The following AK9 variants were observed in gnomAD, a reference collection of about 807,000 sequenced individuals.
AK9 encodes the protein adenylate kinase 9.
Under a neutral mutation model 239.6 loss-of-function variants are expected in AK9, and 191 were observed. That is an observed-to-expected ratio of 0.80 (90% confidence interval 0.71 to 0.90). AK9 has a LOEUF of 0.90. Among genes scored for constraint, AK9 ranks in the 40% least tolerant of loss-of-function variants. The pLI is 0.00. For synonymous variants in AK9, 689 were observed against 721.0 expected (o/e 0.96, Z 0.71); for missense variants, 1,995 against 2,214.7 (o/e 0.90, Z 1.99).
In AK9 at chr6:109,493,109, A is replaced by G. The variant is rs763562465; in HGVS notation, c.*260T>C. On this transcript the variant is annotated 3_prime_UTR_variant, in exon 41 of 41. Transcript: ENST00000424296. The stretch of plus-strand genomic sequence containing the variant: ...TTAACTTTTCTATATGGAATTATAA[A>G]TAGAATGTTTATTTTGTTAAAGCAT... The G allele has an allele frequency of 9.9e-6, 3 of 302,270 alleles. No homozygotes were observed. Among genetic ancestry groups the G allele is most frequent in the Non-Finnish European group, 1.2e-5 (2 of 165,032 alleles). The allele number at this position is 302,270 out of a possible 1,614,324, so 18.7% of individuals were successfully genotyped here.
At chr6:109,541,364 A>C (rs1040831270) in intron 27 of AK9, among the ~76,000 whole-genome samples, 6 of 152,200 alleles carry the variant, frequency 3.9e-5, no homozygotes, top group Non-Finnish European at 8.8e-5. Context: ...CATCTTTTTA[A>C]CTTTATGTAA....
intron 13 of AK9, 65 bp downstream of exon 13, chr6:109,619,027 C>T (rs893243927): frequency 3.8e-5 from 56 of 1,477,852 alleles, no homozygotes; most frequent in Non-Finnish European, 4.9e-5. Context: ...AAAGTCCTTG[C>T]TTTCAAGTAG....
At position 109,514,254 on chromosome 6, in the gene AK9, C is replaced by CAATTATAA; in HGVS notation, c.4241_4248dup (p.Val1417LeufsTer2). 1.9e-6 allele frequency: 3 copies of CAATTATAA among 1,551,554 alleles called. No homozygotes were observed. Among genetic ancestry groups the CAATTATAA allele is most frequent in the Non-Finnish European group, 2.6e-6 (3 of 1,146,936 alleles). ...GTTTTCCCAGATTTTGGAGGCCCCA[C>CAATTATAA]AATTATAATCCTAATGGGCACAGTA... On this transcript the variant is annotated stop_gained and frameshift_variant, in exon 32 of 41. Coordinates refer to ENST00000424296, the MANE Select transcript of AK9 (RefSeq NM_001145128.3). LOFTEE classifies it high-confidence loss of function.
intron 21 of AK9, among the ~76,000 whole-genome samples, chr6:109,570,911 T>G (rs1787330988): frequency 6.6e-6 from 1 of 152,130 alleles, no homozygotes; most frequent in Non-Finnish European, 1.5e-5. Context: ...AAGGATCCTT[T>G]GAGCACCCCT....
At chr6:109,601,631 T>C (rs1216592600) in intron 17 of AK9, among the ~76,000 whole-genome samples, 4 of 151,236 alleles carry the variant, frequency 2.6e-5, no homozygotes, top group East Asian at 2.0e-4. Flanking sequence ...TCCTGGATAT[T>C]CTTGTTAACT....
chr6:109,510,609 C>T (rs1327314357), intron 32 of AK9, among the ~76,000 whole-genome samples: 3 of 152,172 alleles, frequency 2.0e-5, no homozygotes, highest in African/African-American at 4.8e-5. Flanking sequence ...GAACTGAACA[C>T]TGGACAGATG....
At position 109,546,058 on chromosome 6, in the gene AK9, CCAACTGTCTTCCACA is replaced by C; in HGVS notation, c.3019_3033del (p.Cys1007_Leu1011del). ...ATGTGAAAAATGTTTAATTTTTCTG[CCAACTGTCTTCCACA>C]CATAGTTTTGCCAGAGCCCTGGGGG... On this transcript the variant is annotated inframe_deletion, in exon 26 of 41. Coordinates refer to ENST00000424296, the MANE Select transcript of AK9 (RefSeq NM_001145128.3). 6.2e-7 allele frequency: 1 copy of C among 1,613,218 alleles called. No individual in the cohort carries two copies. Among genetic ancestry groups the C allele is most frequent in the African/African-American group, 1.3e-5 (1 of 74,956 alleles).
intron 29 of AK9, among the ~76,000 whole-genome samples, chr6:109,522,839 A>G (rs1780012139): frequency 6.6e-6 from 1 of 152,176 alleles, no homozygotes; most frequent in African/African-American, 2.4e-5. Context: ...GTATATGAGC[A>G]GGTAATGTTG....
chr6:109,650,427 A>T (rs1052430506), intron 8 of AK9, among the ~76,000 whole-genome samples: 1 of 152,180 alleles, frequency 6.6e-6, no homozygotes, highest in Non-Finnish European at 1.5e-5. Context: ...AAAGGATATG[A>T]ACAGACACTT....
At chr6:109,672,197 G>A (rs974113640) in intron 3 of AK9, 30 bp from the exon 4 acceptor site, 2 of 1,563,832 alleles carry the variant, frequency 1.3e-6, no homozygotes, top group South Asian at 1.1e-5. Flanking sequence ...TATTAATACA[G>A]ACTGATATTA....
intron 17 of AK9, among the ~76,000 whole-genome samples, chr6:109,606,419 GAACA>G (rs1792891684): frequency 6.6e-6 from 1 of 152,140 alleles, no homozygotes; most frequent in African/African-American, 2.4e-5. Context: ...AAATGAACAA[GAACA>G]GATAGGTACA....
rs368946636 is a variant in AK9, at chr6:109,656,747, T to C, written c.759+9A>G. 1.9e-6 allele frequency: 3 copies of C among 1,570,092 alleles called. No homozygotes were observed. Among genetic ancestry groups the C allele is most frequent in the Non-Finnish European group, 2.6e-6 (3 of 1,148,188 alleles). ...AATATTCATTTTCAGCAATATATTT[T>C]GTTCTTACTTCTAAAGTTTGGAGAA... On this transcript the variant is annotated intron_variant, in intron 8 of 40. Transcript: ENST00000424296.
At position 109,641,600 on chromosome 6, in the gene AK9, A is replaced by G; in HGVS notation, c.851T>C (p.Leu284Pro). The change falls in exon 10 of 41, where the codon CTT (leucine) becomes CCT (proline). Residue 284 changes from leucine to proline, a missense_variant. Coordinates refer to ENST00000424296, the MANE Select transcript of AK9 (RefSeq NM_001145128.3). ...EELFMIVMDR[L>P]KYLNLKRAAI... ...TGCTCTTTTTAGGTTCAGATATTTA[A>G]GTCGATCCATAACAATCTAGATTTA... The G allele has an allele frequency of 5.6e-6, 9 of 1,612,488 alleles. No homozygotes were observed. The highest frequency in any genetic ancestry group is 7.6e-6 in the Non-Finnish European group (9 of 1,178,598).
intron 12 of AK9, among the ~76,000 whole-genome samples, chr6:109,626,495 G>A (rs889323628): frequency 2.6e-4 from 40 of 152,294 alleles, no homozygotes; most frequent in Middle Eastern, 3.4e-3. Context: ...ACAGTCATGT[G>A]TTGCTTAACA....
intron 8 of AK9, among the ~76,000 whole-genome samples, chr6:109,650,400 C>T (rs543620461): frequency 6.6e-6 from 1 of 151,728 alleles, no homozygotes; most frequent in South Asian, 2.1e-4. Context: ...AAAAAAAAAC[C>T]CCATCAAAAA....
At chr6:109,585,590 A>G (rs1554262201) in intron 18 of AK9, among the ~76,000 whole-genome samples, 1 of 152,212 alleles carries the variant, frequency 6.6e-6, no homozygotes, top group Non-Finnish European at 1.5e-5. Context: ...TGAGGTGAAG[A>G]AGAACTAACA....
chr6:109,679,566 G>A (rs1772318018), intron 1 of AK9, among the ~76,000 whole-genome samples: 1 of 152,166 alleles, frequency 6.6e-6, no homozygotes, highest in Non-Finnish European at 1.5e-5. Context: ...CAGCTCTGAA[G>A]AGAGCAGGGG....
chr6:109,685,840 C>T (rs1315193705), intron 1 of AK9, among the ~76,000 whole-genome samples: 1 of 152,166 alleles, frequency 6.6e-6, no homozygotes, highest in South Asian at 2.1e-4. Context: ...AGAGTGATAC[C>T]AACCACAATT....
In AK9 at chr6:109,585,139, CTTT is replaced by C; in HGVS notation, c.2095_2097del (p.Lys699del). 3 of 821,484 alleles carry C rather than the reference CTTT, an allele frequency of 3.7e-6. No homozygotes were observed. Among genetic ancestry groups the C allele is most frequent in the Non-Finnish European group, 4.8e-6 (3 of 621,698 alleles). The allele number at this position is 821,484 out of a possible 1,614,324, so 50.9% of individuals were successfully genotyped here. On this transcript the variant is annotated inframe_deletion, in exon 19 of 41. Transcript: ENST00000424296. ...AGATTTTACCTTGCTTCTTCTTCTT[CTTT>C]TTTTTTCTTTTGTAGTTCTTCTAAT...
Sources: allele counts gnomAD v4.1 joint callset (sites outside exome capture counted in the v4.1 genomes callset), GRCh38; gene constraint gnomAD v4.1.1; transcripts MANE v1.5; gene names NCBI Gene and HGNC (gene_info 2026-07-23, HGNC 2026-07-21).